MAST3: variants seen among roughly 807,000 people sequenced by gnomAD.
MAST3 encodes the protein microtubule-associated serine/threonine-protein kinase 3.
MAST3 carries 43 observed loss-of-function variants against 127.0 expected under a neutral mutation model. That is an observed-to-expected ratio of 0.34 (90% CI 0.27 to 0.44). The LOEUF (loss-of-function observed/expected upper bound fraction) is 0.44, where lower values mean the gene tolerates loss of function less well. MAST3 is among the 20% of genes least tolerant of loss of function. The pLI, the probability that MAST3 is intolerant of heterozygous loss-of-function variation, is 1.00. For missense variants in MAST3, 1,390 were observed against 1,919.1 expected, an observed-to-expected ratio of 0.72 and a Z score of 5.15; for synonymous variants, 785 against 809.2, an observed-to-expected ratio of 0.97 and a Z score of 0.51.
chr19:18,130,816 C>T, intron 14 of MAST3, 114 bp downstream of exon 14: 2 of 1,101,962 alleles, frequency 1.8e-6, no homozygotes, highest in Non-Finnish European at 2.6e-6. Context: ...AGGTCTCACC[C>T]TGCTTTGGGG....
At chr19:18,137,904 G>GT (rs1419764124) in intron 19 of MAST3, among the ~76,000 whole-genome samples, 1 of 152,112 alleles carries the variant, frequency 6.6e-6, no homozygotes, top group African/African-American at 2.4e-5. Flanking sequence ...CATCCTTTAT[G>GT]TTGGAGATGC....
chr19:18,123,658 G>A lies in MAST3; in HGVS notation c.633+3G>A. The A allele has an allele frequency of 6.4e-7, 1 of 1,566,388 alleles. No individual in the cohort carries two copies. The highest frequency in any genetic ancestry group is 8.6e-7 in the Non-Finnish European group (1 of 1,158,422). ...TGTACCGGGAGAGGTTCCCCAAGGT[G>A]GGCAGCGCCTGGCGGCTGGACCAGC... On this transcript the variant is annotated splice_donor_region_variant and intron_variant, in intron 8 of 27. Transcript: ENST00000687212.
Position 18,143,680 on chromosome 19 carries a change from G to A in MAST3, c.2340-83G>A, listed in dbSNP as rs574222308. Reference sequence around the variant, plus strand: ...AATTACCCTTGACTGCAGACTGAGAGTTAAGATGTGGCCATGAAGGTGGCT... The same window carrying A: ...AATTACCCTTGACTGCAGACTGAGAATTAAGATGTGGCCATGAAGGTGGCT... On this transcript the variant is annotated intron_variant, in intron 21 of 27. Coordinates refer to ENST00000687212, the MANE Select transcript of MAST3 (RefSeq NM_001393504.1). 1.5e-4 allele frequency: 228 copies of A among 1,554,880 alleles called. No homozygotes were observed. The African/African-American group carries it at 2.7e-3, about 18-fold the overall frequency.
At chr19:18,138,960 C>T in intron 19 of MAST3, 55 bp from the exon 20 acceptor site, 2 of 1,238,610 alleles carry the variant, frequency 1.6e-6, no homozygotes, top group African/African-American at 3.0e-5. Context: ...GCCACACCGC[C>T]CTTGAGATCA....
At chr19:18,129,101 G>T in intron 13 of MAST3, 150 bp downstream of exon 13, 1 of 684,246 alleles carries the variant, frequency 1.5e-6, no homozygotes. Flanking sequence ...ACTGGAGGGG[G>T]AAGTGGAGAC....
chr19:18,139,089 C>A lies in MAST3; in HGVS notation c.2170C>A (p.Pro724Thr). The A allele has an allele frequency of 1.2e-6, 2 of 1,604,228 alleles. No individual in the cohort carries two copies. The highest frequency in any genetic ancestry group is 2.3e-5 in the East Asian group (1 of 44,298). Residue 724 changes from proline to threonine, a missense_variant, in exon 20 of 28, where the codon CCC becomes ACC. Pro to Thr is a conservative substitution (Grantham distance 38, BLOSUM62 -1). Transcript: ENST00000687212. ...TNDEESSTEIPQFSSCSHRFS... is the reference protein window; with the variant it reads ...TNDEESSTEITQFSSCSHRFS... Reference sequence around the variant, plus strand: ...TGATGAAGAATCGTCCACAGAGATCCCCCAGTTCTCCTCCTGCTCCCACCG... The same window carrying A: ...TGATGAAGAATCGTCCACAGAGATCACCCAGTTCTCCTCCTGCTCCCACCG...
At chr19:18,111,362 GTGAC>G (rs1217344553) in intron 3 of MAST3, among the ~76,000 whole-genome samples, 4 of 152,010 alleles carry the variant, frequency 2.6e-5, no homozygotes, top group African/African-American at 9.7e-5. Flanking sequence ...GGTTGACTCT[GTGAC>G]TGGCCAGGTT....
At chr19:18,123,072 G>C (rs1336388297) in intron 6 of MAST3, 145 bp from the exon 7 acceptor site, 2 of 881,690 alleles carry the variant, frequency 2.3e-6, no homozygotes, top group Non-Finnish European at 3.6e-6. Flanking sequence ...CTAGGGTTTT[G>C]AGGGATGCAT....
chr19:18,139,782 T>C (rs1475273629), intron 20 of MAST3, among the ~76,000 whole-genome samples: 2 of 151,400 alleles, frequency 1.3e-5, no homozygotes, highest in Non-Finnish European at 2.9e-5. Flanking sequence ...TATTTTGTTT[T>C]GTTGTTTTAA....
intron 2 of MAST3, 34 bp downstream of exon 2, chr19:18,107,652 C>T: frequency 6.2e-7 from 1 of 1,604,314 alleles, no homozygotes; most frequent in Non-Finnish European, 8.5e-7. Flanking sequence ...GCTGGGTGGG[C>T]CCCAGTGGTC....
chr19:18,125,817 T>C (rs914082823), intron 11 of MAST3, among the ~76,000 whole-genome samples: 2 of 152,000 alleles, frequency 1.3e-5, no homozygotes, highest in South Asian at 4.1e-4. Context: ...CCCAGCACTT[T>C]GTGAGACTGA....
At chr19:18,127,711 T>C (rs1449920980) in intron 11 of MAST3, among the ~76,000 whole-genome samples, 1 of 151,054 alleles carries the variant, frequency 6.6e-6, no homozygotes, top group African/African-American at 2.4e-5. Context: ...ATACAAAAAT[T>C]AGCTGGGCAT....
chr19:18,144,740 CA>C lies in MAST3; in HGVS notation c.2812+48del, dbSNP rs770238163. 35 of 1,587,316 alleles carry C rather than the reference CA, an allele frequency of 2.2e-5. No individual in the cohort carries two copies. The highest frequency in any genetic ancestry group is 2.9e-5 in the Non-Finnish European group (34 of 1,168,078). The stretch of plus-strand genomic sequence containing the variant: ...ACCTTTGTCTGTCTGCACCCATTTT[CA>C]CCAACAGGGTGGGGGCCCTTCCTGA... On this transcript the variant is annotated intron_variant, in intron 23 of 27. Coordinates refer to ENST00000687212, the MANE Select transcript of MAST3 (RefSeq NM_001393504.1). This position sits in a 1 kb window ranked among gnomAD's most constrained non-coding sequence, Gnocchi z 4.0.
rs1209908061 is a variant in MAST3 at position 18,149,373 on chromosome 19, C to T, written c.3691C>T (p.Pro1231Ser). The T allele has an allele frequency of 2.7e-6, 4 of 1,491,178 alleles. No individual in the cohort carries two copies. The Admixed American group carries it at 6.8e-5, about 25-fold the overall frequency. The allele number at this position is 1,491,178 out of a possible 1,614,324, so 92.4% of individuals were successfully genotyped here. A position where few individuals can be genotyped will look rare whatever the true frequency, so the allele number is the denominator to read the frequency against. ...SIPPSPLACP[P>S]ISAPPPRSPS... ...CCCGCCCTCCCCGCTGGCCTGCCCG[C>T]CCATCTCCGCGCCCCCACCCCGCTC... The change falls in exon 28 of 28, where the codon CCC becomes TCC. Residue 1231 changes from proline (P) to serine (S), a missense_variant. This residue lies in a region of MAST3 where 816 missense variants were observed against 934.1 expected (regional missense o/e 0.87). Coordinates refer to ENST00000687212, the MANE Select transcript of MAST3 (RefSeq NM_001393504.1). The surrounding 1 kb of genome is among the most constrained non-coding windows in gnomAD (Gnocchi z 5.9).
At position 18,128,919 on chromosome 19, in the gene MAST3, G is replaced by A. The variant is rs1283612118; in HGVS notation, c.1191G>A (p.Glu397=). 6.2e-7 allele frequency: 1 copy of A among 1,613,970 alleles called. No homozygotes were observed. The highest frequency in any genetic ancestry group is 1.1e-5 in the South Asian group (1 of 91,080). ...SRRKPCESDF[E]TIKLISNGAY... ...GGAAGCCATGCGAAAGCGACTTTGAGACCATCAAACTCATTAGCAACGGAG... is the reference window on the plus strand; with the variant it reads ...GGAAGCCATGCGAAAGCGACTTTGAAACCATCAAACTCATTAGCAACGGAG... Residue 397 remains glutamate, a synonymous_variant, in exon 13 of 28, where the codon GAG becomes GAA. Transcript: ENST00000687212.
At chr19:18,140,980 G>A (rs181921958) in intron 20 of MAST3, among the ~76,000 whole-genome samples, 103 of 151,994 alleles carry the variant, frequency 6.8e-4, no homozygotes, top group African/African-American at 2.3e-3. Flanking sequence ...TTTTAGTAGC[G>A]ACCAGGTTTC....
In MAST3 at chr19:18,149,481, A is replaced by T. The variant is rs2043369711; in HGVS notation, c.3799A>T (p.Thr1267Ser). The T allele has an allele frequency of 1.2e-5, 19 of 1,544,288 alleles. No homozygotes were observed. Among genetic ancestry groups the T allele is most frequent in the Non-Finnish European group, 1.6e-5 (18 of 1,145,158 alleles). ...RRGQSADKLG[T>S]GERLDGEAGR... is the part of the protein sequence containing the mutation. Reference sequence around the variant, plus strand: ...GGGCCAGTCAGCTGACAAGCTGGGCACAGGGGAGCGGCTGGATGGGGAGGC... The same window carrying T: ...GGGCCAGTCAGCTGACAAGCTGGGCTCAGGGGAGCGGCTGGATGGGGAGGC... The change falls in exon 28 of 28, where the codon ACA becomes TCA. Residue 1267 changes from threonine to serine, a missense_variant. Coordinates refer to ENST00000687212, the MANE Select transcript of MAST3 (RefSeq NM_001393504.1). This position sits in a 1 kb window ranked among gnomAD's most constrained non-coding sequence, Gnocchi z 5.9.
In MAST3 at chr19:18,131,794, G is replaced by A. The variant is rs16982205; in HGVS notation, c.1433-115G>A. 3.9e-3 allele frequency: 4,512 copies of A among 1,171,786 alleles called. 132 individuals are homozygous for A. The African/African-American group carries it at 0.06, about 16-fold the overall frequency. 72.6% of individuals were successfully genotyped at this position (1,171,786 alleles called of 1,614,324 possible). A position where few individuals can be genotyped will look rare whatever the true frequency, so the allele number is the denominator to read the frequency against. On this transcript the variant is annotated intron_variant, in intron 14 of 27. Coordinates refer to ENST00000687212, the MANE Select transcript of MAST3 (RefSeq NM_001393504.1). Reference sequence around the variant, plus strand: ...TCCCCGCTGAGATAGAACAAACTGGGGACCTTTTGCAGGAGGTAAAGCGAG... The same window carrying A: ...TCCCCGCTGAGATAGAACAAACTGGAGACCTTTTGCAGGAGGTAAAGCGAG...
At chr19:18,102,051 T>G (rs979229214) in intron 1 of MAST3, among the ~76,000 whole-genome samples, 3 of 151,618 alleles carry the variant, frequency 2.0e-5, no homozygotes, top group African/African-American at 7.3e-5. Flanking sequence ...CGGCTAATTT[T>G]TTGTATTTTT....
Sources: gnomAD v4.1 joint callset for allele counts (sites outside exome capture counted in the v4.1 genomes callset) on GRCh38, gnomAD v4.1.1 for gene constraint, gnomAD v4.1.1 regional missense constraint, Gnocchi (gnomAD v3.1) non-coding constraint, MANE v1.5 for transcripts, NCBI Gene and HGNC (gene_info 2026-07-23, HGNC 2026-07-21) for gene names.